Variants in DLK1 observed in about 807,000 individuals in gnomAD.
The protein encoded by DLK1 is protein delta homolog 1.
A neutral mutation model predicts 35.2 loss-of-function variants in DLK1; 9 were observed. The ratio of observed to expected loss-of-function variants is 0.26; its 90% CI spans 0.15 to 0.45. DLK1 has a LOEUF of 0.45. Ranked by LOEUF, DLK1 falls within the 20% of genes least tolerant of loss-of-function variation. The probability of loss-of-function intolerance (pLI) is 1.00; values close to 1 mark genes in which losing one functional copy is unlikely to be tolerated. For synonymous variants in DLK1, 231 were observed against 228.4 expected (o/e 1.01, Z -0.10); for missense variants, 522 against 528.5 (o/e 0.99, Z 0.12).
Position 100,734,761 on chromosome 14 carries a change from C to T in DLK1, c.1017C>T (p.Tyr339=), listed in dbSNP as rs1400967105. The part of the protein sequence containing the change: ...KCETWVSNLR[Y]NHMLRKKKNL... Reference sequence around the variant, plus strand: ...AGACCTGGGTGTCCAACCTGCGCTACAACCACATGCTGCGGAAGAAGAAGA... The same window carrying T: ...AGACCTGGGTGTCCAACCTGCGCTATAACCACATGCTGCGGAAGAAGAAGA... The change falls in exon 5 of 5, where the codon TAC becomes TAT. Residue 339 remains tyrosine, a synonymous_variant. Transcript: ENST00000341267. This position sits in a 1 kb window ranked among gnomAD's most constrained non-coding sequence, Gnocchi z 7.4. 3 of 1,614,088 alleles carry T rather than the reference C, an allele frequency of 1.9e-6. No individual in the cohort carries two copies. Among genetic ancestry groups the T allele is most frequent in the East Asian group, 2.2e-5 (1 of 44,886 alleles).
chr14:100,737,607 A>G lies in DLK1; in HGVS notation c.*2711A>G, dbSNP rs1300973582. The G allele has an allele frequency of 6.5e-6, 1 of 152,766 alleles. No homozygotes were observed. The highest frequency in any genetic ancestry group is 1.5e-5 in the Non-Finnish European group (1 of 68,516). 9.5% of individuals were successfully genotyped at this position (152,766 alleles called of 1,614,324 possible). On this transcript the variant is annotated 3_prime_UTR_variant, in exon 5 of 5. Coordinates refer to ENST00000341267, the MANE Select transcript of DLK1 (RefSeq NM_003836.7). ...AAGCATTTCCAGGCACCTGCGGAGC[A>G]CTAGGCAGTGTGCGGAAGCTGCAGG...
intron 3 of DLK1, among the ~76,000 whole-genome samples, chr14:100,730,231 G>A (rs548502931): frequency 4.6e-5 from 7 of 152,290 alleles, no homozygotes; most frequent in African/African-American, 1.2e-4. Flanking sequence ...CAGAAGCAGC[G>A]GCAGCAGCTC....
chr14:100,733,204 G>A (rs2036529452), intron 4 of DLK1, among the ~76,000 whole-genome samples: 1 of 152,146 alleles, frequency 6.6e-6, no homozygotes, highest in Non-Finnish European at 1.5e-5. Context: ...CTCGCGAATG[G>A]ACTTAAACCA....
In DLK1 at chr14:100,738,013, T is replaced by C. The variant is rs2036593590; in HGVS notation, c.*3117T>C. The C allele has an allele frequency of 6.6e-6, 1 of 152,068 alleles. No individual in the cohort carries two copies. The highest frequency in any genetic ancestry group is 2.4e-5 in the African/African-American group (1 of 41,380). 9.4% of individuals were successfully genotyped at this position (152,068 alleles called of 1,614,324 possible). On this transcript the variant is annotated 3_prime_UTR_variant, in exon 5 of 5. Transcript: ENST00000341267. ...TGTGTGTGTCTGGTGTAGTGTGTAG[T>C]TTACGAAACAAACGGAAAAGCTCAA...
chr14:100,734,349 A>T lies in DLK1; in HGVS notation c.605A>T (p.Asp202Val). Residue 202 changes from aspartate (D) to valine (V), a missense_variant, in exon 5 of 5, where the codon GAC (aspartate) becomes GTC (valine). Coordinates refer to ENST00000341267, the MANE Select transcript of DLK1 (RefSeq NM_003836.7). This position sits in a 1 kb window ranked among gnomAD's most constrained non-coding sequence, Gnocchi z 7.4. The part of the protein sequence containing the change: ...FRCRCPAGFI[D>V]KTCSRPVTNC... ...TGCCGGTGCCCAGCCGGCTTCATCG[A>T]CAAGACCTGCAGCCGCCCGGTGACC... The T allele has an allele frequency of 6.2e-7, 1 of 1,612,760 alleles. No homozygotes were observed. Among genetic ancestry groups the T allele is most frequent in the Non-Finnish European group, 8.5e-7 (1 of 1,179,798 alleles).
Position 100,732,104 on chromosome 14 carries a change from G to T in DLK1, c.325G>T (p.Gly109Cys). The T allele has an allele frequency of 6.2e-7, 1 of 1,613,992 alleles. No homozygotes were observed. The highest frequency in any genetic ancestry group is 1.6e-4 in the Middle Eastern group (1 of 6,062). Residue 109 changes from glycine (G) to cysteine (C), a missense_variant, in exon 4 of 5, where the codon GGC becomes TGC. Physicochemically the swap from Gly to Cys is radical, Grantham distance 159 (BLOSUM62 -3). Coordinates refer to ENST00000341267, the MANE Select transcript of DLK1 (RefSeq NM_003836.7). ...CAGGACCTGCGTGAGCCTGGACGAT[G>T]GCCTCTATGAATGCTCCTGTGCCCC... ...NNRTCVSLDD[G>C]LYECSCAPGY...
At position 100,727,144 on chromosome 14, in the gene DLK1, C is replaced by G; in HGVS notation, c.67+9C>G. 6.4e-7 allele frequency: 1 copy of G among 1,568,246 alleles called. No homozygotes were observed. ...CGGCCACAGCACCTATGGTGAGTTC[C>G]CCGGCGGCCCGGCTCGCGCCCCCTC... is the stretch of plus-strand genomic sequence containing the variant. On this transcript the variant is annotated intron_variant, in intron 1 of 4. Transcript: ENST00000341267.
rs2036462416 is a variant in DLK1 at position 100,728,421 on chromosome 14, C to T, written c.93C>T (p.Asn31=). The stretch of plus-strand genomic sequence containing the variant: ...GGGCTGAATGCTTCCCGGCCTGCAA[C>T]CCCCAAAATGGATTCTGCGAGGATG... ...TYGAECFPAC[N]PQNGFCEDDN... Residue 31 remains asparagine, a synonymous_variant, in exon 2 of 5, where the codon AAC becomes AAT. Transcript: ENST00000341267. The T allele has an allele frequency of 1.2e-6, 2 of 1,613,796 alleles. No homozygotes were observed. The highest frequency in any genetic ancestry group is 1.7e-5 in the Admixed American group (1 of 59,996).
chr14:100,728,564 GCAAA>G (rs2036465023), intron 2 of DLK1, 105 bp downstream of exon 2: 1 of 1,008,918 alleles, frequency 9.9e-7, no homozygotes, highest in Non-Finnish European at 1.4e-6. Context: ...CTACGCTGCA[GCAAA>G]CAGCTTCCGG....
rs920577040 is a variant in DLK1, at chr14:100,735,661, C to T, written c.*765C>T. ...GAACCAAAACACTTCCTGACCCCAA[C>T]AATTGGGATCTGATGAAGACGAATT... On this transcript the variant is annotated 3_prime_UTR_variant, in exon 5 of 5. Transcript: ENST00000341267. 6.6e-6 allele frequency: 1 copy of T among 152,206 alleles called. No individual in the cohort carries two copies. Among genetic ancestry groups the T allele is most frequent in the Non-Finnish European group, 1.5e-5 (1 of 68,050 alleles). The allele number at this position is 152,206 out of a possible 1,614,324, so 9.4% of individuals were successfully genotyped here. A position where few individuals can be genotyped will look rare whatever the true frequency, so the allele number is the denominator to read the frequency against.
Position 100,732,259 on chromosome 14 carries a change from C to T in DLK1, c.404+76C>T, listed in dbSNP as rs376819666. Reference sequence around the variant, plus strand: ...CACCAAAGACCCTTTCAGCCTAACCCTGCTGGACCTGTCGTCTGACAAAAG... The same window carrying T: ...CACCAAAGACCCTTTCAGCCTAACCTTGCTGGACCTGTCGTCTGACAAAAG... On this transcript the variant is annotated intron_variant, in intron 4 of 4. Coordinates refer to ENST00000341267, the MANE Select transcript of DLK1 (RefSeq NM_003836.7). 220 of 1,537,154 alleles carry T rather than the reference C, an allele frequency of 1.4e-4. No homozygotes were observed. The African/African-American group carries it at 2.5e-3, about 18-fold the overall frequency.
Position 100,737,468 on chromosome 14 carries a change from T to A in DLK1, c.*2572T>A, listed in dbSNP as rs2036586617. ...ATCTATGTTTTCGATCTTGATGCTATAGAGAACAGCCATGTTCCCCTGATA... is the reference window on the plus strand; with the variant it reads ...ATCTATGTTTTCGATCTTGATGCTAAAGAGAACAGCCATGTTCCCCTGATA... On this transcript the variant is annotated 3_prime_UTR_variant, in exon 5 of 5. Coordinates refer to ENST00000341267, the MANE Select transcript of DLK1 (RefSeq NM_003836.7). 1 of 152,026 alleles carries A rather than the reference T, an allele frequency of 6.6e-6. No homozygotes were observed. Among genetic ancestry groups the A allele is most frequent in the Non-Finnish European group, 1.5e-5 (1 of 68,022 alleles). 9.4% of individuals were successfully genotyped at this position (152,026 alleles called of 1,614,324 possible).
At chr14:100,728,531 G>GA (rs535164022) in intron 2 of DLK1, 72 bp downstream of exon 2, 904 of 1,511,052 alleles carry the variant, frequency 6.0e-4, no homozygotes, top group African/African-American at 5.5e-3. Flanking sequence ...AAGTCAGGCA[G>GA]AAAAAAATAG....
chr14:100,733,623 T>G (rs902124950), intron 4 of DLK1, among the ~76,000 whole-genome samples: 3 of 152,246 alleles, frequency 2.0e-5, no homozygotes, highest in East Asian at 1.9e-4. Flanking sequence ...GACATAGGCA[T>G]GAAGGACGAC....
At chr14:100,727,310 C>G (rs1484431003) in intron 1 of DLK1, among the ~76,000 whole-genome samples, 175 bp downstream of exon 1, 1 of 152,200 alleles carries the variant, frequency 6.6e-6, no homozygotes, top group African/African-American at 2.4e-5. Context: ...CATGCCAAGG[C>G]CCGTCCCAGG....
In DLK1 at chr14:100,734,057, G is replaced by C; in HGVS notation, c.405-92G>C. The stretch of plus-strand genomic sequence containing the variant: ...GTTTTAAGCACCTGCCCCTTAGTCA[G>C]GCCAGGGACCTTCTGCCCTGAGCCC... On this transcript the variant is annotated intron_variant, in intron 4 of 4. Transcript: ENST00000341267. This position sits in a 1 kb window ranked among gnomAD's most constrained non-coding sequence, Gnocchi z 7.4. 1 of 1,478,056 alleles carries C rather than the reference G, an allele frequency of 6.8e-7. No individual in the cohort carries two copies. The highest frequency in any genetic ancestry group is 1.4e-5 in the African/African-American group (1 of 71,104). 91.6% of individuals were successfully genotyped at this position (1,478,056 alleles called of 1,614,324 possible).
In DLK1 at chr14:100,734,063, G is replaced by A. The variant is rs2139864268; in HGVS notation, c.405-86G>A. ...AGCACCTGCCCCTTAGTCAGGCCAG[G>A]GACCTTCTGCCCTGAGCCCCGTGCC... is the stretch of plus-strand genomic sequence containing the variant. On this transcript the variant is annotated intron_variant, in intron 4 of 4. Transcript: ENST00000341267. This position sits in a 1 kb window ranked among gnomAD's most constrained non-coding sequence, Gnocchi z 7.4. 1 of 1,485,962 alleles carries A rather than the reference G, an allele frequency of 6.7e-7. No homozygotes were observed. The highest frequency in any genetic ancestry group is 1.3e-5 in the South Asian group (1 of 74,402). The allele number at this position is 1,485,962 out of a possible 1,614,324, so 92.0% of individuals were successfully genotyped here. A position where few individuals can be genotyped will look rare whatever the true frequency, so the allele number is the denominator to read the frequency against.
At chr14:100,728,508 C>T (rs1381618360) in intron 2 of DLK1, 49 bp downstream of exon 2, 4 of 1,604,176 alleles carry the variant, frequency 2.5e-6, no homozygotes, top group Non-Finnish European at 3.4e-6. Context: ...ACGCAGAAGC[C>T]TGGGGAGTCG....
Position 100,737,746 on chromosome 14 carries a change from C to T in DLK1, c.*2850C>T, listed in dbSNP as rs2036589951. 1 of 152,214 alleles carries T rather than the reference C, an allele frequency of 6.6e-6. No homozygotes were observed. The highest frequency in any genetic ancestry group is 1.9e-4 in the East Asian group (1 of 5,186). 9.4% of individuals were successfully genotyped at this position (152,214 alleles called of 1,614,324 possible). ...AGTGGAGGGTCTTGAGCAGACGCCT[C>T]CCTTGGAGAAGAGCCACCATCTCAC... On this transcript the variant is annotated 3_prime_UTR_variant, in exon 5 of 5. Transcript: ENST00000341267.
Sources: allele counts gnomAD v4.1 joint callset (sites outside exome capture counted in the v4.1 genomes callset), GRCh38; gene constraint gnomAD v4.1.1; non-coding constraint Gnocchi (gnomAD v3.1); transcripts MANE v1.5; gene names NCBI Gene and HGNC (gene_info 2026-07-23, HGNC 2026-07-21).